GCC2: variants seen among roughly 807,000 people sequenced by gnomAD.
GCC2 encodes the protein GRIP and coiled-coil domain-containing protein 2.
In GCC2, 120 loss-of-function variants were observed where a neutral mutation model predicts 210.6. The ratio of observed to expected loss-of-function variants is 0.57; its 90% CI spans 0.49 to 0.66. The LOEUF is 0.66. Among genes scored for constraint, GCC2 ranks in the 30% least tolerant of loss-of-function variants. GCC2 has a pLI of 0.00. For synonymous variants in GCC2, 703 were observed against 652.7 expected, an observed-to-expected ratio of 1.08 and a Z score of -1.17; for missense variants, 1,868 against 1,871.9, an observed-to-expected ratio of 1.00 and a Z score of 0.04.
chr2:108,474,117 C>G (rs909749633), intron 7 of GCC2, among the ~76,000 whole-genome samples: 17 of 152,208 alleles, frequency 1.1e-4, no homozygotes, highest in Admixed American at 5.9e-4. Flanking sequence ...AAGATCATGC[C>G]ACTGCACTCC....
rs981817639 is a variant in GCC2, at chr2:108,497,019, G to A, written c.4692G>A (p.Lys1564=). 11 of 1,611,894 alleles carry A rather than the reference G, an allele frequency of 6.8e-6. No homozygotes were observed. The highest frequency in any genetic ancestry group is 9.3e-6 in the Non-Finnish European group (11 of 1,179,864). The part of the protein sequence containing the change: ...AEFTKEELVQ[K]LSSTTKSADH... Reference sequence around the variant, plus strand: ...TTACCAAAGAAGAATTGGTTCAGAAGCTCAGTTCCACCACAAAAAGTGCAG... The same window carrying A: ...TTACCAAAGAAGAATTGGTTCAGAAACTCAGTTCCACCACAAAAAGTGCAG... Residue 1564 remains lysine, a synonymous_variant, in exon 21 of 23, where the codon AAG becomes AAA. Transcript: ENST00000309863.
At chr2:108,469,304 A>G in intron 5 of GCC2, 1 of 434,342 alleles carries the variant, frequency 2.3e-6, no homozygotes, top group Non-Finnish European at 4.1e-6. Context: ...TTATAGCTAT[A>G]ATGCCATCTT....
At chr2:108,474,950 A>G (rs915146127) in intron 7 of GCC2, 2 of 152,194 alleles carry the variant, frequency 1.3e-5, no homozygotes, top group African/African-American at 4.8e-5. Flanking sequence ...GCCAGAGGGA[A>G]GGCACCGGTG....
rs200328829 is a variant in GCC2 at position 108,471,939 on chromosome 2, A to C, written c.2610A>C (p.Lys870Asn). ...TAGAAATGAAGAATGCTAATGAAAA[A>C]ACAAGGCTTGAAAATCAGAATCTTT... ...DLLEMKNANE[K>N]TRLENQNLLI... Residue 870 changes from lysine to asparagine, a missense_variant, in exon 6 of 23, where the codon AAA (lysine) becomes AAC (asparagine). Transcript: ENST00000309863. The C allele has an allele frequency of 1.9e-6, 3 of 1,603,280 alleles. No individual in the cohort carries two copies. In the Admixed American group the frequency reaches 5.2e-5, roughly 28 times the overall value.
intron 22 of GCC2, 73 bp from the exon 23 acceptor site, chr2:108,507,487 T>G: frequency 8.0e-7 from 1 of 1,256,284 alleles, no homozygotes. Flanking sequence ...AAAATATAGA[T>G]TTTACATTGA....
chr2:108,508,388 A>G lies in GCC2; in HGVS notation c.*758A>G, dbSNP rs1448451420. 1 of 139,734 alleles carries G rather than the reference A, an allele frequency of 7.2e-6. No individual in the cohort carries two copies. The highest frequency in any genetic ancestry group is 1.5e-5 in the Non-Finnish European group (1 of 65,250). 8.7% of individuals were successfully genotyped at this position (139,734 alleles called of 1,614,324 possible). On this transcript the variant is annotated 3_prime_UTR_variant, in exon 23 of 23. Transcript: ENST00000309863. The stretch of plus-strand genomic sequence containing the variant: ...ACTCTTCTTTTTTTCTTTAAAGTAT[A>G]CTATCTCAAAACTCATTATGTTGTC...
rs1160977932 is a variant in GCC2, at chr2:108,509,301, ATTAC to A, written c.*1674_*1677del. The A allele has an allele frequency of 1.3e-5, 2 of 152,600 alleles. No homozygotes were observed. The highest frequency in any genetic ancestry group is 6.5e-5 in the Admixed American group (1 of 15,280). 9.5% of individuals were successfully genotyped at this position (152,600 alleles called of 1,614,324 possible). On this transcript the variant is annotated 3_prime_UTR_variant, in exon 23 of 23. Coordinates refer to ENST00000309863, the MANE Select transcript of GCC2 (RefSeq NM_181453.4). ...AAAATAATTTTTTGCATGATAAAAA[ATTAC>A]TTTGATTACAAAAGGCATATTCTTT...
chr2:108,469,592 G>T, intron 5 of GCC2, 59 bp from the exon 6 acceptor site: 1 of 1,233,778 alleles, frequency 8.1e-7, no homozygotes, highest in South Asian at 1.5e-5. Flanking sequence ...TTTTTCCTAA[G>T]GTCAGAGGCT....
At chr2:108,497,947 C>T (rs1573234022) in intron 21 of GCC2, among the ~76,000 whole-genome samples, 2 of 152,136 alleles carry the variant, frequency 1.3e-5, no homozygotes, top group Admixed American at 6.6e-5. Context: ...TACTTTGCTG[C>T]TCCTAATAGA....
Position 108,489,960 on chromosome 2 carries a change from G to C in GCC2, c.4175G>C (p.Arg1392Thr). Reference protein sequence around the residue: ...LQSEHDTLLERHNKMLQETVS... With the variant: ...LQSEHDTLLETHNKMLQETVS... Reference sequence around the variant, plus strand: ...TCTGAACATGATACACTGCTAGAAAGGCACAACAAGATGCTGCAGGAAACT... The same window carrying C: ...TCTGAACATGATACACTGCTAGAAACGCACAACAAGATGCTGCAGGAAACT... Residue 1392 changes from arginine (R) to threonine (T), a missense_variant, in exon 18 of 23, where the codon AGG becomes ACG. By Grantham distance (71) the Arg-to-Thr change is moderately conservative (BLOSUM62 -1). This residue lies in a region of GCC2 where 1,847 missense variants were observed against 1,765.2 expected (regional missense o/e 1.05). Coordinates refer to ENST00000309863, the MANE Select transcript of GCC2 (RefSeq NM_181453.4). 6.2e-7 allele frequency: 1 copy of C among 1,611,316 alleles called. No individual in the cohort carries two copies.
intron 15 of GCC2, 152 bp from the exon 16 acceptor site, chr2:108,486,359 C>A: frequency 1.3e-6 from 1 of 751,444 alleles, no homozygotes; most frequent in Non-Finnish European, 2.3e-6. Flanking sequence ...CTTGTCTCTG[C>A]TTTTTCAATA....
intron 4 of GCC2, among the ~76,000 whole-genome samples, chr2:108,457,974 G>A (rs542326458): frequency 2.6e-5 from 4 of 152,278 alleles, no homozygotes; most frequent in South Asian, 4.1e-4. Flanking sequence ...AATAGTAGTG[G>A]TGAAAGTGGG....
chr2:108,455,380 A>G (rs577358702), intron 4 of GCC2, among the ~76,000 whole-genome samples: 1 of 152,268 alleles, frequency 6.6e-6, no homozygotes, highest in African/African-American at 2.4e-5. Context: ...CAGAGGTTGC[A>G]GTGAGCTGAG....
intron 9 of GCC2, among the ~76,000 whole-genome samples, chr2:108,478,575 C>T (rs544210046): frequency 3.9e-5 from 6 of 152,196 alleles, no homozygotes; most frequent in Admixed American, 2.6e-4. Flanking sequence ...TGTTTAGAAG[C>T]GTCTACCCTA....
chr2:108,449,447 G>A (rs1679781766), intron 1 of GCC2, among the ~76,000 whole-genome samples, 167 bp downstream of exon 1: 2 of 152,198 alleles, frequency 1.3e-5, no homozygotes, highest in Admixed American at 1.3e-4. Flanking sequence ...GGGGTTACCT[G>A]CCCCGTAGAG....
chr2:108,495,662 G>A (rs1682616663), intron 20 of GCC2, 177 bp downstream of exon 20: 1 of 421,228 alleles, frequency 2.4e-6, no homozygotes, highest in African/African-American at 2.0e-5. Flanking sequence ...ATGGTTGGAT[G>A]GATGGATGGG....
intron 4 of GCC2, among the ~76,000 whole-genome samples, chr2:108,465,824 T>TCTTATACA (rs1573361321): frequency 6.6e-6 from 1 of 152,192 alleles, no homozygotes; most frequent in East Asian, 1.9e-4. Context: ...GTATAAGTGT[T>TCTTATACA]CCCTTTTCCC....
At chr2:108,493,578 A>C in intron 19 of GCC2, 1 of 985,412 alleles carries the variant, frequency 1.0e-6, no homozygotes, top group Non-Finnish European at 1.2e-6. Context: ...AATTAGTTGG[A>C]GTTTTAGTTC....
intron 12 of GCC2, 38 bp from the exon 13 acceptor site, chr2:108,484,111 C>T: frequency 7.1e-7 from 1 of 1,417,626 alleles, no homozygotes; most frequent in Admixed American, 2.4e-5. Flanking sequence ...ATGAACTGAT[C>T]TACTATTGTG....
Sources: gnomAD v4.1 joint callset for allele counts (sites outside exome capture counted in the v4.1 genomes callset) on GRCh38, gnomAD v4.1.1 for gene constraint, gnomAD v4.1.1 regional missense constraint, MANE v1.5 for transcripts, NCBI Gene and HGNC (gene_info 2026-07-23, HGNC 2026-07-21) for gene names.